ERP44: variants seen among roughly 807,000 people sequenced by gnomAD.
ERP44 encodes endoplasmic reticulum protein 44, also known as endoplasmic reticulum resident protein 44.
ERP44 carries 25 observed loss-of-function variants against 53.4 expected under a neutral mutation model. The observed-to-expected ratio is 0.47, with a 90% CI of 0.34 to 0.65. The LOEUF is 0.65. Among genes scored for constraint, ERP44 ranks in the 30% least tolerant of loss-of-function variants. The pLI, the probability that ERP44 is intolerant of heterozygous loss-of-function variation, is 0.01. For synonymous variants in ERP44, 145 were observed against 161.2 expected (o/e 0.90, Z 0.76); for missense variants, 338 against 493.2 (o/e 0.69, Z 2.98).
At chr9:100,003,323 T>C (rs760222812) in intron 10 of ERP44, among the ~76,000 whole-genome samples, 40 of 152,332 alleles carry the variant, frequency 2.6e-4, no homozygotes, top group Admixed American at 9.1e-4. Flanking sequence ...TTCTGGGAGA[T>C]TATTGTGCTC....
chr9:100,027,971 T>C (rs1830671070), intron 4 of ERP44, among the ~76,000 whole-genome samples: 1 of 152,082 alleles, frequency 6.6e-6, no homozygotes, highest in Admixed American at 6.5e-5. Context: ...AGAAAACTAA[T>C]AAGCAAAGCC....
chr9:100,036,069 G>T (rs1466464989), intron 4 of ERP44, among the ~76,000 whole-genome samples: 1 of 152,136 alleles, frequency 6.6e-6, no homozygotes, highest in Non-Finnish European at 1.5e-5. Context: ...AAAATAAATT[G>T]TCCTACCAAA....
intron 10 of ERP44, among the ~76,000 whole-genome samples, chr9:100,003,884 G>T (rs149926068): frequency 6.6e-6 from 1 of 152,182 alleles, no homozygotes; most frequent in Non-Finnish European, 1.5e-5. Flanking sequence ...TCCGTCCATG[G>T]AGACTGGCCT....
intron 8 of ERP44, among the ~76,000 whole-genome samples, chr9:100,010,607 A>G (rs1830465492): frequency 6.6e-6 from 1 of 152,186 alleles, no homozygotes; most frequent in South Asian, 2.1e-4. Context: ...CAGAAGTAAG[A>G]AAACCAGGGA....
intron 8 of ERP44, among the ~76,000 whole-genome samples, chr9:100,009,853 T>G (rs1285142482): frequency 6.6e-6 from 1 of 152,220 alleles, no homozygotes; most frequent in East Asian, 1.9e-4. Context: ...GTACTTCTGC[T>G]TCTCTCTTAG....
intron 8 of ERP44, among the ~76,000 whole-genome samples, chr9:100,013,350 T>C (rs1830495246): frequency 6.6e-6 from 1 of 151,614 alleles, no homozygotes; most frequent in South Asian, 2.1e-4. Context: ...CTAATCTTAC[T>C]ACTGGGAAAA....
intron 10 of ERP44, among the ~76,000 whole-genome samples, chr9:99,992,746 A>G (rs1024701204): frequency 3.9e-5 from 6 of 152,368 alleles, no homozygotes; most frequent in Non-Finnish European, 5.9e-5. Flanking sequence ...TACAGATGAC[A>G]TGATTATATA....
chr9:100,082,387 A>AATAT (rs61185937), intron 1 of ERP44, among the ~76,000 whole-genome samples: 24 of 149,054 alleles, frequency 1.6e-4, no homozygotes, highest in African/African-American at 5.9e-4. Context: ...TATAAAAAAT[A>AATAT]ATATATATAT....
At position 99,981,747 on chromosome 9, in the gene ERP44, C is replaced by T. The variant is rs1293541574; in HGVS notation, c.*865G>A. ...TTTATACAACTATAACAAGACTCTA[C>T]AAGACAGAAGGAGCTTAAAATTACT... is the stretch of plus-strand genomic sequence containing the variant. On this transcript the variant is annotated 3_prime_UTR_variant, in exon 12 of 12. Transcript: ENST00000262455. 2 of 152,158 alleles carry T rather than the reference C, an allele frequency of 1.3e-5. No homozygotes were observed. Among genetic ancestry groups the T allele is most frequent in the Non-Finnish European group, 2.9e-5 (2 of 68,022 alleles). The allele number at this position is 152,158 out of a possible 1,614,324, so 9.4% of individuals were successfully genotyped here.
intron 10 of ERP44, among the ~76,000 whole-genome samples, chr9:99,985,416 G>A (rs1564082949): frequency 6.6e-6 from 1 of 152,078 alleles, no homozygotes; most frequent in Non-Finnish European, 1.5e-5. Context: ...AAAAAACTTT[G>A]TTCTGCAACA....
intron 8 of ERP44, among the ~76,000 whole-genome samples, chr9:100,015,596 C>CA (rs780434970): frequency 8.5e-5 from 13 of 152,126 alleles, no homozygotes; most frequent in Admixed American, 7.2e-4. Flanking sequence ...AACTGCTTTA[C>CA]AAAAAACAGA....
At chr9:100,004,141 A>C (rs1041785921) in intron 10 of ERP44, among the ~76,000 whole-genome samples, 9 of 152,170 alleles carry the variant, frequency 5.9e-5, no homozygotes, top group African/African-American at 2.2e-4. Context: ...CTGGAGGCTG[A>C]GTGTGCAGGT....
At chr9:100,076,846 C>T (rs7044219) in intron 1 of ERP44, among the ~76,000 whole-genome samples, 102,385 of 152,108 alleles carry the variant, frequency 0.67, 35,614 homozygotes, top group East Asian at 0.91. Context: ...ACTAAGCCTC[C>T]TTCCCCAGCC....
chr9:100,087,551 T>C (rs1285645777), intron 1 of ERP44, among the ~76,000 whole-genome samples: 4 of 152,220 alleles, frequency 2.6e-5, no homozygotes, highest in Non-Finnish European at 5.9e-5. Flanking sequence ...TATAATGCAC[T>C]ACAGACACAT....
At chr9:100,083,780 C>T (rs982911979) in intron 1 of ERP44, among the ~76,000 whole-genome samples, 16 of 152,096 alleles carry the variant, frequency 1.1e-4, no homozygotes, top group African/African-American at 3.4e-4. Flanking sequence ...CTAGCTACTC[C>T]AATCTATAGA....
intron 1 of ERP44, among the ~76,000 whole-genome samples, chr9:100,086,730 G>A (rs1271879923): frequency 2.6e-5 from 4 of 152,140 alleles, no homozygotes; most frequent in Non-Finnish European, 5.9e-5. Context: ...GGTCTTTCCA[G>A]CTTCAAAGTC....
intron 4 of ERP44, among the ~76,000 whole-genome samples, chr9:100,037,272 C>T (rs992457945): frequency 3.9e-5 from 6 of 152,160 alleles, no homozygotes; most frequent in African/African-American, 1.4e-4. Context: ...GACGCCCACA[C>T]ATGGAGGGAG....
chr9:100,039,676 G>A (rs1169581678), intron 4 of ERP44, among the ~76,000 whole-genome samples: 7 of 151,794 alleles, frequency 4.6e-5, no homozygotes, highest in African/African-American at 1.7e-4. Flanking sequence ...ATAAAGATCA[G>A]GACAGAAATA....
chr9:99,987,546 A>G lies in ERP44; in HGVS notation c.1017-2477T>C, dbSNP rs556122632. 3.3e-5 allele frequency among the ~76,000 whole-genome samples: 5 copies of G among 152,312 alleles called. No individual in the cohort carries two copies. In the East Asian group the frequency reaches 9.6e-4, roughly 29 times the overall value. On this transcript the variant is annotated intron_variant, in intron 10 of 11. Transcript: ENST00000262455. Reference sequence around the variant, plus strand: ...TGAATACAAGGTAATACGTATTTTTATTTCTTAAAATTTACATACAGCAGA... The same window carrying G: ...TGAATACAAGGTAATACGTATTTTTGTTTCTTAAAATTTACATACAGCAGA...
Sources: allele counts gnomAD v4.1 joint callset (sites outside exome capture counted in the v4.1 genomes callset), GRCh38; gene constraint gnomAD v4.1.1; transcripts MANE v1.5; gene names NCBI Gene and HGNC (gene_info 2026-07-23, HGNC 2026-07-21).